PSD3: variants seen among roughly 807,000 people sequenced by gnomAD.
The protein encoded by PSD3 is PH and SEC7 domain-containing protein 3.
Under a neutral mutation model 105.5 loss-of-function variants are expected in PSD3, and 49 were observed. That is an observed-to-expected ratio of 0.46 (90% CI 0.37 to 0.59). The LOEUF is 0.59. Among genes scored for constraint, PSD3 ranks in the 20% least tolerant of loss-of-function variants. The pLI is 0.00. For synonymous variants in PSD3, 557 were observed against 457.8 expected (o/e 1.22, Z -2.77); for missense variants, 1,561 against 1,263.8 (o/e 1.24, Z -3.57).
chr8:18,768,618 A>G (rs879668601), intron 8 of PSD3, among the ~76,000 whole-genome samples: 7 of 152,208 alleles, frequency 4.6e-5, no homozygotes, highest in Non-Finnish European at 8.8e-5. Flanking sequence ...CATCATTTTA[A>G]GGGAATATGT....
chr8:19,046,054 T>A (rs1227016528), intron 1 of PSD3, among the ~76,000 whole-genome samples: 1 of 152,190 alleles, frequency 6.6e-6, no homozygotes, highest in East Asian at 1.9e-4. Flanking sequence ...TTATAGGGAT[T>A]ACACAATAAG....
At chr8:18,665,500 A>T (rs1179788698) in intron 9 of PSD3, among the ~76,000 whole-genome samples, 1 of 152,254 alleles carries the variant, frequency 6.6e-6, no homozygotes, top group Non-Finnish European at 1.5e-5. Flanking sequence ...GTTTCCTGAG[A>T]TGGAAACTAC....
chr8:18,662,685 T>G (rs536032639), intron 9 of PSD3, among the ~76,000 whole-genome samples: 21 of 152,268 alleles, frequency 1.4e-4, no homozygotes, highest in African/African-American at 4.8e-4. Flanking sequence ...ATCTACTATT[T>G]TACAATTCAG....
chr8:18,927,289 T>C (rs1165806635), intron 2 of PSD3, among the ~76,000 whole-genome samples: 2 of 151,992 alleles, frequency 1.3e-5, no homozygotes, highest in East Asian at 1.9e-4. Context: ...CCTTGGCTCA[T>C]TGCAACCTCT....
chr8:18,619,590 C>G (rs191647396), intron 11 of PSD3, among the ~76,000 whole-genome samples: 1 of 151,298 alleles, frequency 6.6e-6, no homozygotes. Flanking sequence ...TTGTAGTGAG[C>G]TGAGATCACG....
chr8:18,802,362 A>G, intron 6 of PSD3: 1 of 406,120 alleles, frequency 2.5e-6, no homozygotes, highest in South Asian at 1.7e-5. Context: ...CCTAAACATG[A>G]GATGGGAAGG....
At chr8:18,800,614 C>T (rs1170062238) in intron 7 of PSD3, among the ~76,000 whole-genome samples, 1 of 152,198 alleles carries the variant, frequency 6.6e-6, no homozygotes, top group Non-Finnish European at 1.5e-5. Flanking sequence ...GGAAAGATCT[C>T]TCTTCACAAG....
chr8:18,936,069 A>T lies in PSD3; in HGVS notation c.95T>A (p.Leu32Ter). Residue 32 changes from leucine (L) to a stop codon, truncating the protein, a stop_gained, in exon 2 of 16, where the codon TTA (leucine) becomes TAA (stop). Coordinates refer to ENST00000327040, the MANE Select transcript of PSD3 (RefSeq NM_015310.4). LOFTEE classifies it high-confidence loss of function. ...QSVAKAKYEF[L>*]FGRSEGKAPD... ...AGCTTTCCCTTCAGATCTGCCAAAT[A>T]AAAATTCATATTTGGCCTTGGCAAC... 1 of 1,613,338 alleles carries T rather than the reference A, an allele frequency of 6.2e-7. No individual in the cohort carries two copies. The highest frequency in any genetic ancestry group is 1.1e-5 in the South Asian group (1 of 91,066).
chr8:18,953,775 C>G (rs1350717640), intron 1 of PSD3, among the ~76,000 whole-genome samples: 1 of 151,716 alleles, frequency 6.6e-6, no homozygotes, highest in African/African-American at 2.4e-5. Flanking sequence ...AAAGAAATGG[C>G]TAAATAAACG....
chr8:18,834,542 A>G (rs1813939181), intron 4 of PSD3, among the ~76,000 whole-genome samples: 2 of 152,210 alleles, frequency 1.3e-5, no homozygotes, highest in Admixed American at 1.3e-4. Context: ...GCTGACTGGA[A>G]CAGGAGTGAC....
chr8:19,038,455 TTATC>T (rs1828016825), intron 1 of PSD3, among the ~76,000 whole-genome samples: 1 of 152,174 alleles, frequency 6.6e-6, no homozygotes, highest in South Asian at 2.1e-4. Flanking sequence ...ATTTATTTAT[TTATC>T]TATTTGTCTA....
chr8:18,733,099 G>C (rs1014376530), intron 9 of PSD3: 1 of 152,066 alleles, frequency 6.6e-6, no homozygotes, highest in African/African-American at 2.4e-5. Context: ...TACAGAAAGA[G>C]AACAAATGAA....
chr8:19,034,211 G>C (rs1006171938), intron 1 of PSD3, among the ~76,000 whole-genome samples: 2 of 152,108 alleles, frequency 1.3e-5, no homozygotes, highest in Non-Finnish European at 2.9e-5. Context: ...CAAGAGAAAA[G>C]TTTGCTCTCT....
intron 1 of PSD3, among the ~76,000 whole-genome samples, chr8:19,030,536 G>A (rs1827729107): frequency 2.0e-5 from 3 of 151,950 alleles, no homozygotes; most frequent in South Asian, 2.1e-4. Flanking sequence ...CACCTCTGCC[G>A]ACCACACTTT....
chr8:18,777,980 A>C (rs1357705043), intron 8 of PSD3, among the ~76,000 whole-genome samples: 1 of 152,204 alleles, frequency 6.6e-6, no homozygotes, highest in Non-Finnish European at 1.5e-5. Flanking sequence ...CCAAGATTTC[A>C]TTTTAATGGA....
chr8:18,907,272 G>C (rs751069141), intron 2 of PSD3, among the ~76,000 whole-genome samples: 1 of 152,092 alleles, frequency 6.6e-6, no homozygotes, highest in East Asian at 1.9e-4. Context: ...TTCCAGTCCC[G>C]TAAGCTCCAA....
At chr8:18,660,697 T>C (rs113711251) in intron 9 of PSD3, among the ~76,000 whole-genome samples, 10 of 152,342 alleles carry the variant, frequency 6.6e-5, no homozygotes, top group African/African-American at 2.4e-4. Context: ...TGCATGAATA[T>C]TTCTAAATGC....
At chr8:18,819,843 C>A (rs1018904317) in intron 4 of PSD3, among the ~76,000 whole-genome samples, 1 of 152,162 alleles carries the variant, frequency 6.6e-6, no homozygotes, top group Non-Finnish European at 1.5e-5. Flanking sequence ...TCCCAAAGTG[C>A]TGGGTTTACA....
chr8:18,950,182 T>C (rs965269831), intron 1 of PSD3, among the ~76,000 whole-genome samples: 1 of 152,222 alleles, frequency 6.6e-6, no homozygotes, highest in African/African-American at 2.4e-5. Flanking sequence ...AACTATTTAT[T>C]TGTAATGAAT....
Sources: allele counts gnomAD v4.1 joint callset (sites outside exome capture counted in the v4.1 genomes callset), GRCh38; gene constraint gnomAD v4.1.1; transcripts MANE v1.5; gene names NCBI Gene and HGNC (gene_info 2026-07-23, HGNC 2026-07-21).